Variants in EXOC4 observed in about 807,000 individuals in gnomAD.
EXOC4 encodes exocyst complex component 4.
EXOC4 carries 71 observed loss-of-function variants against 107.2 expected under a neutral mutation model. That is an observed-to-expected ratio of 0.66 (90% CI 0.55 to 0.81). The LOEUF (loss-of-function observed/expected upper bound fraction) is 0.81, where lower values mean the gene tolerates loss of function less well. Ranked by LOEUF, EXOC4 falls within the 30% of genes least tolerant of loss-of-function variation. The probability of loss-of-function intolerance (pLI) is 0.00; values close to 1 mark genes in which losing one functional copy is unlikely to be tolerated. For missense variants in EXOC4, 1,108 were observed against 1,189.6 expected (o/e 0.93, Z 1.01); for synonymous variants, 456 against 441.2 (o/e 1.03, Z -0.42).
intron 12 of EXOC4, among the ~76,000 whole-genome samples, chr7:133,899,726 C>A (rs1799407136): frequency 6.6e-6 from 1 of 151,186 alleles, no homozygotes. Context: ...CAGAGTATAC[C>A]CAGTGTTCCA....
At chr7:133,946,233 A>G (rs1263841910) in intron 14 of EXOC4, among the ~76,000 whole-genome samples, 1 of 152,046 alleles carries the variant, frequency 6.6e-6, no homozygotes, top group Non-Finnish European at 1.5e-5. Context: ...CATTTCTGTC[A>G]TTCTTCTTTT....
At chr7:133,975,486 A>T (rs979950144) in intron 14 of EXOC4, among the ~76,000 whole-genome samples, 1 of 152,192 alleles carries the variant, frequency 6.6e-6, no homozygotes, top group South Asian at 2.1e-4. Context: ...GAATGTTATC[A>T]TATCATATTG....
intron 10 of EXOC4, among the ~76,000 whole-genome samples, chr7:133,666,721 G>T (rs1212155990): frequency 6.6e-6 from 1 of 152,074 alleles, no homozygotes; most frequent in Non-Finnish European, 1.5e-5. Flanking sequence ...CAGACACTAT[G>T]CCAGTCACTA....
At chr7:133,452,818 A>G (rs1051335029) in intron 7 of EXOC4, among the ~76,000 whole-genome samples, 1 of 152,050 alleles carries the variant, frequency 6.6e-6, no homozygotes, top group African/African-American at 2.4e-5. Context: ...TGAACAACAT[A>G]TGGACATTTG....
chr7:133,620,720 G>A (rs1802309613), intron 9 of EXOC4, among the ~76,000 whole-genome samples: 1 of 151,952 alleles, frequency 6.6e-6, no homozygotes, highest in Admixed American at 6.5e-5. Flanking sequence ...TAGAAGTAGG[G>A]TTCCCCAGCT....
intron 14 of EXOC4, among the ~76,000 whole-genome samples, chr7:133,981,606 G>A (rs539297008): frequency 1.6e-3 from 249 of 151,950 alleles, no homozygotes; most frequent in African/African-American, 5.7e-3. Flanking sequence ...AATAACAAAT[G>A]CTGGTAAGGT....
At chr7:133,355,769 T>G (rs911188111) in intron 5 of EXOC4, among the ~76,000 whole-genome samples, 2 of 152,218 alleles carry the variant, frequency 1.3e-5, no homozygotes, top group Non-Finnish European at 2.9e-5. Context: ...TCTTTTGTAT[T>G]TATGAAATAC....
At chr7:133,873,372 C>G (rs1228855788) in intron 11 of EXOC4, among the ~76,000 whole-genome samples, 1 of 152,142 alleles carries the variant, frequency 6.6e-6, no homozygotes, top group Non-Finnish European at 1.5e-5. Flanking sequence ...TTAATGATAC[C>G]TCACACCTCC....
At chr7:133,877,126 A>T (rs1798867254) in intron 11 of EXOC4, among the ~76,000 whole-genome samples, 1 of 149,424 alleles carries the variant, frequency 6.7e-6, no homozygotes, top group Non-Finnish European at 1.5e-5. Context: ...TTTTATTTGG[A>T]ATAGTTTCTA....
intron 2 of EXOC4, among the ~76,000 whole-genome samples, chr7:133,284,555 G>A (rs1036738100): frequency 2.0e-5 from 3 of 152,004 alleles, no homozygotes; most frequent in African/African-American, 4.8e-5. Context: ...TTTGTGAGAC[G>A]GAGTGTCGCT....
chr7:133,382,963 T>C (rs187155938), intron 7 of EXOC4, among the ~76,000 whole-genome samples: 8 of 152,330 alleles, frequency 5.3e-5, no homozygotes, highest in East Asian at 3.9e-4. Flanking sequence ...CGGGGTGTTA[T>C]AGTTTTTCCC....
chr7:133,895,575 C>A, intron 11 of EXOC4, 24 bp from the exon 12 acceptor site: 2 of 1,610,582 alleles, frequency 1.2e-6, no homozygotes, highest in Non-Finnish European at 1.7e-6. Flanking sequence ...AATCTCATAT[C>A]CTCTCTTTGT....
intron 9 of EXOC4, among the ~76,000 whole-genome samples, chr7:133,561,485 G>A (rs1800802919): frequency 2.0e-5 from 3 of 152,102 alleles, no homozygotes; most frequent in Admixed American, 1.3e-4. Flanking sequence ...CTGAAAACCC[G>A]AAAAATCATT....
intron 12 of EXOC4, among the ~76,000 whole-genome samples, chr7:133,902,890 A>C (rs1233149655): frequency 6.6e-6 from 1 of 152,118 alleles, no homozygotes; most frequent in Admixed American, 6.5e-5. Flanking sequence ...ATTTTCGAAG[A>C]TAGTAAGTAC....
chr7:133,484,213 G>A (rs900629816), intron 9 of EXOC4: 2 of 1,484,414 alleles, frequency 1.3e-6, no homozygotes, highest in Non-Finnish European at 1.8e-6. Flanking sequence ...TTTCTTTGGT[G>A]TTATCAATGC....
intron 10 of EXOC4, among the ~76,000 whole-genome samples, chr7:133,751,921 A>T (rs1795800933): frequency 6.6e-6 from 1 of 151,776 alleles, no homozygotes; most frequent in Non-Finnish European, 1.5e-5. Context: ...AAGGTGGGAG[A>T]ATCGCTAGAG....
At chr7:133,267,284 A>G (rs1216939261) in intron 1 of EXOC4, among the ~76,000 whole-genome samples, 1 of 152,096 alleles carries the variant, frequency 6.6e-6, no homozygotes, top group Non-Finnish European at 1.5e-5. Context: ...AAAGCTCACA[A>G]AGTTGGGCCT....
chr7:133,650,843 T>C (rs2151034248), intron 10 of EXOC4, among the ~76,000 whole-genome samples: 1 of 152,032 alleles, frequency 6.6e-6, no homozygotes, highest in Admixed American at 6.6e-5. Flanking sequence ...AGGAGACATA[T>C]TCCTATTTTC....
At chr7:133,608,798 C>T (rs1390817487) in intron 9 of EXOC4, among the ~76,000 whole-genome samples, 3 of 152,142 alleles carry the variant, frequency 2.0e-5, no homozygotes, top group Admixed American at 6.5e-5. Context: ...CTGCCTGCCT[C>T]GGCCTCTCAA....
Sources: gnomAD v4.1 joint callset for allele counts (sites outside exome capture counted in the v4.1 genomes callset) on GRCh38, gnomAD v4.1.1 for gene constraint, MANE v1.5 for transcripts, NCBI Gene and HGNC (gene_info 2026-07-23, HGNC 2026-07-21) for gene names.